KLHL1: variants seen among roughly 807,000 people sequenced by gnomAD.
KLHL1 encodes kelch like family member 1, also known as kelch-like protein 1.
A neutral mutation model predicts 77.7 loss-of-function variants in KLHL1; 47 were observed. The ratio of observed to expected loss-of-function variants is 0.60; its 90% confidence interval spans 0.48 to 0.77. The LOEUF is 0.77. Among genes scored for constraint, KLHL1 ranks in the 30% least tolerant of loss-of-function variants. The pLI is 0.00. For synonymous variants in KLHL1, 360 were observed against 325.2 expected, an observed-to-expected ratio of 1.11 and a Z score of -1.15; for missense variants, 925 against 910.8, an observed-to-expected ratio of 1.02 and a Z score of -0.20.
At chr13:70,038,581 ATTTTTTTTTTTT>A (rs55885952) in intron 1 of KLHL1, among the ~76,000 whole-genome samples, 1 of 73,030 alleles carries the variant, frequency 1.4e-5, no homozygotes, top group Admixed American at 2.1e-4. Flanking sequence ...ATTGTCATTA[ATTTTTTTTTTTT>A]TTTTTTTTTT....
intron 4 of KLHL1, among the ~76,000 whole-genome samples, chr13:69,902,011 G>T (rs1333960302): frequency 6.6e-6 from 1 of 152,048 alleles, no homozygotes; most frequent in African/African-American, 2.4e-5. Flanking sequence ...TCTTGGTCAG[G>T]CTGGTCTTGA....
At chr13:69,955,996 G>GATATATATTTATATATATTTGAT (rs1555285220) in intron 3 of KLHL1, among the ~76,000 whole-genome samples, 11,485 of 119,640 alleles carry the variant, frequency 0.096, 1,051 homozygotes, top group East Asian at 0.28. Flanking sequence ...ATATTTATTT[G>GATATATATTTATATATATTTGAT]ATATATATTT....
At chr13:69,828,318 T>G (rs2138090583) in intron 6 of KLHL1, among the ~76,000 whole-genome samples, 1 of 150,022 alleles carries the variant, frequency 6.7e-6, no homozygotes, top group South Asian at 2.1e-4. Context: ...TATCTAGAGC[T>G]GAAACAAATG....
At chr13:69,895,487 G>A (rs1440957590) in intron 4 of KLHL1, among the ~76,000 whole-genome samples, 1 of 152,002 alleles carries the variant, frequency 6.6e-6, no homozygotes, top group African/African-American at 2.4e-5. Context: ...ATATAAACGG[G>A]TTGATTTGTA....
chr13:69,701,851 T>A, intron 10 of KLHL1, 90 bp from the exon 11 acceptor site: 1 of 919,236 alleles, frequency 1.1e-6, no homozygotes, highest in Non-Finnish European at 1.6e-6. Context: ...ATGAAAATCA[T>A]AAATAAATGT....
chr13:69,762,606 T>C (rs1300505212), intron 7 of KLHL1, among the ~76,000 whole-genome samples: 1 of 150,644 alleles, frequency 6.6e-6, no homozygotes, highest in Non-Finnish European at 1.5e-5. Flanking sequence ...TCAGAAGGGC[T>C]GCTCCAGACT....
chr13:69,753,420 C>A (rs1174148469), intron 7 of KLHL1, among the ~76,000 whole-genome samples: 1 of 152,032 alleles, frequency 6.6e-6, no homozygotes, highest in African/African-American at 2.4e-5. Flanking sequence ...GCCTTTAGGA[C>A]CATTGCAGGG....
At chr13:69,957,843 T>C (rs1883941536) in intron 3 of KLHL1, among the ~76,000 whole-genome samples, 1 of 151,808 alleles carries the variant, frequency 6.6e-6, no homozygotes, top group Non-Finnish European at 1.5e-5. Flanking sequence ...TGAAATTGCT[T>C]ATACTGCTAA....
chr13:69,877,474 T>TA (rs201288356), intron 5 of KLHL1, among the ~76,000 whole-genome samples: 3,605 of 142,092 alleles, frequency 0.025, 154 homozygotes, highest in African/African-American at 0.095. Flanking sequence ...TATATATATA[T>TA]TTTTTTTTCA....
chr13:69,977,063 A>C (rs1884565685), intron 1 of KLHL1, among the ~76,000 whole-genome samples: 1 of 152,098 alleles, frequency 6.6e-6, no homozygotes, highest in African/African-American at 2.4e-5. Context: ...CTGAACTTTT[A>C]ATTGAAGTAC....
At chr13:69,843,469 A>C (rs149179434) in intron 5 of KLHL1, among the ~76,000 whole-genome samples, 1 of 151,668 alleles carries the variant, frequency 6.6e-6, no homozygotes, top group Admixed American at 6.6e-5. Flanking sequence ...ACGAGTTTCT[A>C]TGCTATCCCT....
Position 69,940,120 on chromosome 13 carries a change from A to T in KLHL1, c.934T>A (p.Ser312Thr), listed in dbSNP as rs757226416. The change falls in exon 4 of 11, where the codon TCT becomes ACT. Residue 312 changes from serine (S) to threonine (T), a missense_variant. Coordinates refer to ENST00000377844, the MANE Select transcript of KLHL1 (RefSeq NM_020866.3). Reference sequence around the variant, plus strand: ...AAGGCTCGAATTCCTAAACAGTTAGATGGATGCAAAAGCTTCATGAGGAAG... The same window carrying T: ...AAGGCTCGAATTCCTAAACAGTTAGTTGGATGCAAAAGCTTCATGAGGAAG... ...CHFLMKLLHP[S>T]NCLGIRAFAD... 4.3e-6 allele frequency: 7 copies of T among 1,613,234 alleles called. No homozygotes were observed. The highest frequency in any genetic ancestry group is 4.2e-6 in the Non-Finnish European group (5 of 1,179,588).
At chr13:69,920,135 ATTTG>A (rs200504320) in intron 4 of KLHL1, among the ~76,000 whole-genome samples, 1,616 of 152,222 alleles carry the variant, frequency 0.011, 13 homozygotes, top group Middle Eastern at 0.044. Flanking sequence ...TATAGATAAA[ATTTG>A]TTTGTTTTTG....
rs202020812 is a variant in KLHL1 at position 69,708,442 on chromosome 13, TAGGA to T, written c.2016-650_2016-647del. On this transcript the variant is annotated intron_variant, in intron 9 of 10. Transcript: ENST00000377844. ...CTTATGGGATGTTTGATTCCCTGGG[TAGGA>T]AGGTACTTTCAGTTTATTCAATAGA... Among the ~76,000 whole-genome samples the T allele has an allele frequency of 4.5e-4, 69 of 152,008 alleles. 2 individuals carry two copies. The East Asian group carries it at 0.011, about 23-fold the overall frequency.
intron 6 of KLHL1, among the ~76,000 whole-genome samples, chr13:69,807,195 G>T (rs545102058): frequency 5.3e-5 from 8 of 152,258 alleles, no homozygotes; most frequent in Admixed American, 5.2e-4. Context: ...GTGAGATCCA[G>T]TTGTAATTGG....
rs926937337 is a variant in KLHL1 at position 69,774,671 on chromosome 13, A to AC, written c.1639+22066_1639+22067insG. Among the ~76,000 whole-genome samples, 5 of 141,892 alleles carry AC rather than the reference A, an allele frequency of 3.5e-5. 1 individual carries two copies. Among genetic ancestry groups the AC allele is most frequent in the South Asian group, 2.4e-4 (1 of 4,254 alleles). 93.1% of individuals were successfully genotyped at this position (141,892 alleles called of 152,430 possible). ...AACTTGCCTTCACTTAATAAAAAAAAACACACACACACAAGCAAGTAGAAA... is the reference window on the plus strand; with the variant it reads ...AACTTGCCTTCACTTAATAAAAAAAACACACACACACACAAGCAAGTAGAAA... On this transcript the variant is annotated intron_variant, in intron 7 of 10. Transcript: ENST00000377844.
At chr13:69,863,062 C>T (rs2138156974) in intron 5 of KLHL1, among the ~76,000 whole-genome samples, 2 of 152,164 alleles carry the variant, frequency 1.3e-5, no homozygotes, top group South Asian at 4.1e-4. Context: ...TCCAGCTTTG[C>T]AATGTAATTA....
chr13:69,857,152 T>G (rs17085534), intron 5 of KLHL1, among the ~76,000 whole-genome samples: 45,633 of 151,910 alleles, frequency 0.3, 7,322 homozygotes, highest in African/African-American at 0.42. Context: ...CTGTAGATTT[T>G]CCAAACACCT....
intron 5 of KLHL1, among the ~76,000 whole-genome samples, chr13:69,850,094 G>C (rs913009036): frequency 1.3e-5 from 2 of 151,444 alleles, no homozygotes; most frequent in East Asian, 3.9e-4. Flanking sequence ...GAAATAATTT[G>C]GGCTCATGGA....
Sources: allele counts gnomAD v4.1 joint callset (sites outside exome capture counted in the v4.1 genomes callset), GRCh38; gene constraint gnomAD v4.1.1; transcripts MANE v1.5; gene names NCBI Gene and HGNC (gene_info 2026-07-23, HGNC 2026-07-21).